Variants in CSMD1 observed in about 807,000 individuals in gnomAD.
CSMD1 encodes the protein CUB and Sushi multiple domains 1.
Under a neutral mutation model 417.5 loss-of-function variants are expected in CSMD1, and 213 were observed. That is an observed-to-expected ratio of 0.51 (90% CI 0.46 to 0.57). The LOEUF (loss-of-function observed/expected upper bound fraction) is 0.57, where lower values mean the gene tolerates loss of function less well. CSMD1 is among the 20% of genes least tolerant of loss of function. The probability of loss-of-function intolerance (pLI) is 0.00; values close to 1 mark genes in which losing one functional copy is unlikely to be tolerated. For missense variants in CSMD1, 6,923 were observed against 4,529.7 expected, an observed-to-expected ratio of 1.53 and a Z score of -15.17; for synonymous variants, 2,862 against 1,736.8, an observed-to-expected ratio of 1.65 and a Z score of -16.11.
intron 6 of CSMD1, among the ~76,000 whole-genome samples, chr8:3,727,604 T>A (rs76709791): frequency 6.6e-6 from 1 of 152,318 alleles, no homozygotes; most frequent in East Asian, 1.9e-4. Context: ...ATACTGCAAT[T>A]CGACTTTTGC....
chr8:4,916,082 C>A (rs74761605), intron 1 of CSMD1, among the ~76,000 whole-genome samples: 8 of 152,194 alleles, frequency 5.3e-5, no homozygotes, highest in African/African-American at 1.9e-4. Flanking sequence ...AGATTACGTT[C>A]ATATGCCAGA....
At chr8:3,791,447 T>C (rs535023051) in intron 5 of CSMD1, among the ~76,000 whole-genome samples, 1 of 152,214 alleles carries the variant, frequency 6.6e-6, no homozygotes, top group Non-Finnish European at 1.5e-5. Context: ...CCTAGCATAG[T>C]GCTGATACGT....
rs183373136 is a variant in CSMD1, at chr8:3,951,834, C to A, written c.818+46069G>T. On this transcript the variant is annotated intron_variant, in intron 5 of 69. Transcript: ENST00000635120. ...GTGAAAAATAGTAACTCAAAGTTAA[C>A]CCAAAAAGAAAAATTAAATACATAA... is the stretch of plus-strand genomic sequence containing the variant. Among the ~76,000 whole-genome samples the A allele has an allele frequency of 8.4e-4, 127 of 151,714 alleles. 1 individual carries two copies. Among genetic ancestry groups the A allele is most frequent in the African/African-American group, 3.0e-3 (124 of 41,384 alleles).
chr8:4,024,107 A>C (rs1458178831), intron 4 of CSMD1, among the ~76,000 whole-genome samples: 1 of 152,182 alleles, frequency 6.6e-6, no homozygotes, highest in Non-Finnish European at 1.5e-5. Flanking sequence ...ACATCTTACT[A>C]AATGGAAAGA....
chr8:4,558,667 G>C (rs1206871958), intron 2 of CSMD1, among the ~76,000 whole-genome samples: 1 of 152,112 alleles, frequency 6.6e-6, no homozygotes, highest in African/African-American at 2.4e-5. Flanking sequence ...AGGAGTTCTA[G>C]ACCAGGCTGG....
chr8:4,033,471 C>T (rs1023503740), intron 3 of CSMD1, among the ~76,000 whole-genome samples: 2 of 152,178 alleles, frequency 1.3e-5, no homozygotes, highest in South Asian at 4.2e-4. Context: ...AATAAAAAAA[C>T]CTTTGATTCT....
intron 3 of CSMD1, among the ~76,000 whole-genome samples, chr8:4,383,017 G>C (rs940300960): frequency 2.6e-5 from 4 of 152,170 alleles, no homozygotes; most frequent in African/African-American, 9.7e-5. Flanking sequence ...CCTTCAGTAA[G>C]AATTGGTGGA....
chr8:4,391,917 C>T (rs1318897987), intron 3 of CSMD1, among the ~76,000 whole-genome samples: 2 of 152,168 alleles, frequency 1.3e-5, no homozygotes, highest in Non-Finnish European at 2.9e-5. Flanking sequence ...TCTTAGAACC[C>T]TGAGGCTCCC....
At chr8:3,416,016 T>A (rs889918682) in intron 12 of CSMD1, among the ~76,000 whole-genome samples, 3 of 152,118 alleles carry the variant, frequency 2.0e-5, no homozygotes, top group African/African-American at 7.2e-5. Context: ...AAATAAGTGT[T>A]CTTGGCTGGG....
At chr8:3,689,693 C>G (rs902772360) in intron 7 of CSMD1, among the ~76,000 whole-genome samples, 2 of 150,280 alleles carry the variant, frequency 1.3e-5, no homozygotes, top group African/African-American at 4.9e-5. Flanking sequence ...TCACGTCAAT[C>G]CTATGAGTAA....
chr8:2,953,937 T>C (rs75540700), intron 65 of CSMD1, among the ~76,000 whole-genome samples: 2 of 152,236 alleles, frequency 1.3e-5, no homozygotes, highest in Non-Finnish European at 2.9e-5. Flanking sequence ...GAACGACCAA[T>C]GTTTTCATTT....
rs762808656 is a variant in CSMD1, at chr8:3,575,070, G to A, written c.1223-4C>T. 1.9e-6 allele frequency: 3 copies of A among 1,604,994 alleles called. No homozygotes were observed. The highest frequency in any genetic ancestry group is 1.3e-5 in the African/African-American group (1 of 74,600). Reference sequence around the variant, plus strand: ...AGATTGGATCCACATGTTCTCGCTGGAAACACATAGAAACGACGTTATTTT... The same window carrying A: ...AGATTGGATCCACATGTTCTCGCTGAAAACACATAGAAACGACGTTATTTT... On this transcript the variant is annotated splice_region_variant and splice_polypyrimidine_tract_variant and intron_variant, in intron 9 of 69. Transcript: ENST00000635120.
At chr8:4,720,905 T>G (rs1305490927) in intron 1 of CSMD1, among the ~76,000 whole-genome samples, 1 of 152,180 alleles carries the variant, frequency 6.6e-6, no homozygotes, top group African/African-American at 2.4e-5. Context: ...CTGGTGACCT[T>G]GATCAAACAT....
intron 3 of CSMD1, among the ~76,000 whole-genome samples, chr8:4,040,116 G>C (rs117655543): frequency 6.6e-6 from 1 of 152,130 alleles, no homozygotes; most frequent in Non-Finnish European, 1.5e-5. Flanking sequence ...CGCAATTTCA[G>C]AAACAATATT....
At chr8:4,142,882 G>A (rs1158821647) in intron 3 of CSMD1, among the ~76,000 whole-genome samples, 2 of 150,976 alleles carry the variant, frequency 1.3e-5, no homozygotes, top group Non-Finnish European at 2.9e-5. Flanking sequence ...AATATGATTA[G>A]TAGCTGACAA....
chr8:4,896,606 A>G (rs187902317), intron 1 of CSMD1, among the ~76,000 whole-genome samples: 1 of 152,220 alleles, frequency 6.6e-6, no homozygotes, highest in Non-Finnish European at 1.5e-5. Flanking sequence ...TAAATTATCC[A>G]TTCTGAGTCC....
At chr8:3,921,418 T>C (rs780246120) in intron 5 of CSMD1, among the ~76,000 whole-genome samples, 5 of 152,132 alleles carry the variant, frequency 3.3e-5, no homozygotes, top group Non-Finnish European at 5.9e-5. Context: ...CTTGTATTAT[T>C]TTCTTTCTTC....
intron 7 of CSMD1, among the ~76,000 whole-genome samples, chr8:3,666,247 A>C (rs1467562562): frequency 6.6e-6 from 1 of 150,498 alleles, no homozygotes; most frequent in East Asian, 1.9e-4. Flanking sequence ...GAGACTTTCC[A>C]TTTCTATTCC....
chr8:4,143,786 G>C (rs942434331), intron 3 of CSMD1, among the ~76,000 whole-genome samples: 2 of 151,218 alleles, frequency 1.3e-5, no homozygotes, highest in Non-Finnish European at 2.9e-5. Flanking sequence ...GGGTGGGAGG[G>C]GGCCCAAGCA....
Sources: allele counts gnomAD v4.1 joint callset (sites outside exome capture counted in the v4.1 genomes callset), GRCh38; gene constraint gnomAD v4.1.1; transcripts MANE v1.5; gene names NCBI Gene and HGNC (gene_info 2026-07-23, HGNC 2026-07-21).